Variants in TMEM132B observed in about 807,000 individuals in gnomAD.
TMEM132B encodes transmembrane protein 132B.
Under a neutral mutation model 90.8 loss-of-function variants are expected in TMEM132B, and 18 were observed. The observed-to-expected ratio is 0.20, with a 90% CI of 0.14 to 0.29. TMEM132B has a LOEUF of 0.29. Ranked by LOEUF, TMEM132B falls within the 10% of genes least tolerant of loss-of-function variation. The probability of loss-of-function intolerance (pLI) is 1.00; values close to 1 mark genes in which losing one functional copy is unlikely to be tolerated. For missense variants in TMEM132B, 1,096 were observed against 1,326.8 expected (o/e 0.83, Z 2.70); for synonymous variants, 504 against 523.3 (o/e 0.96, Z 0.50).
intron 4 of TMEM132B, among the ~76,000 whole-genome samples, chr12:125,561,922 A>G (rs1433229501): frequency 6.6e-6 from 1 of 152,160 alleles, no homozygotes; most frequent in Non-Finnish European, 1.5e-5. Flanking sequence ...TAAACAAGAG[A>G]GTCAGCCTAT....
intron 1 of TMEM132B, among the ~76,000 whole-genome samples, chr12:125,295,688 G>A (rs964617524): frequency 5.9e-5 from 9 of 152,084 alleles, no homozygotes; most frequent in Non-Finnish European, 7.4e-5. Flanking sequence ...TGCCCAAAGC[G>A]TAGGAGGCAG....
intron 1 of TMEM132B, among the ~76,000 whole-genome samples, chr12:125,198,482 C>T (rs749833956): frequency 1.2e-4 from 18 of 152,296 alleles, no homozygotes; most frequent in Non-Finnish European, 2.1e-4. Flanking sequence ...CTCCAACCAG[C>T]GGAAATAGAA....
At chr12:125,205,012 T>C (rs1300205821) in intron 1 of TMEM132B, among the ~76,000 whole-genome samples, 2 of 111,438 alleles carry the variant, frequency 1.8e-5, no homozygotes, top group Non-Finnish European at 3.7e-5. Context: ...GAGTATCTCA[T>C]GAATCCTTTC....
At chr12:125,503,734 A>G (rs1420906815) in intron 3 of TMEM132B, among the ~76,000 whole-genome samples, 1 of 152,226 alleles carries the variant, frequency 6.6e-6, no homozygotes, top group African/African-American at 2.4e-5. Flanking sequence ...TTGTGAGATG[A>G]AAGGAAAGAA....
Position 125,186,734 on chromosome 12 carries a change from G to A in TMEM132B, c.-66G>A, listed in dbSNP as rs1280688122. The A allele has an allele frequency of 1.4e-5, 2 of 146,768 alleles. No homozygotes were observed. The highest frequency in any genetic ancestry group is 1.4e-4 in the Admixed American group (2 of 14,804). The allele number at this position is 146,768 out of a possible 1,614,324, so 9.1% of individuals were successfully genotyped here. The stretch of plus-strand genomic sequence containing the variant: ...GTAGCCGCCGGGGGCTGCTCCGGGA[G>A]CCGCGGGCCGGGCCGGGCGCGCGAG... On this transcript the variant is annotated 5_prime_UTR_variant, in exon 1 of 9. Coordinates refer to ENST00000682704, the MANE Select transcript of TMEM132B (RefSeq NM_001366854.1). The surrounding 1 kb of genome is among the most constrained non-coding windows in gnomAD (Gnocchi z 6.3).
intron 1 of TMEM132B, among the ~76,000 whole-genome samples, chr12:125,223,449 T>G (rs1243605522): frequency 6.6e-6 from 1 of 152,208 alleles, no homozygotes; most frequent in East Asian, 1.9e-4. Flanking sequence ...TTTGTAAAAT[T>G]TTTACTTGAT....
At chr12:125,192,068 A>G (rs1034312466) in intron 1 of TMEM132B, among the ~76,000 whole-genome samples, 1 of 152,230 alleles carries the variant, frequency 6.6e-6, no homozygotes, top group African/African-American at 2.4e-5. Flanking sequence ...GAGAAGAATC[A>G]TGTACCTCAG....
At chr12:125,324,243 CAG>C (rs1422528740) in intron 1 of TMEM132B, among the ~76,000 whole-genome samples, 1 of 152,168 alleles carries the variant, frequency 6.6e-6, no homozygotes, top group Non-Finnish European at 1.5e-5. Flanking sequence ...TATTGACAAA[CAG>C]ATTAATTGCT....
intron 1 of TMEM132B, among the ~76,000 whole-genome samples, chr12:125,217,819 G>T (rs986932796): frequency 6.6e-6 from 1 of 152,182 alleles, no homozygotes; most frequent in Non-Finnish European, 1.5e-5. Flanking sequence ...TCCATGCCTT[G>T]AACCCAGCAA....
At chr12:125,328,920 T>C (rs1228303511) in intron 1 of TMEM132B, among the ~76,000 whole-genome samples, 2 of 152,194 alleles carry the variant, frequency 1.3e-5, no homozygotes, top group Non-Finnish European at 2.9e-5. Context: ...AGGGCTGCTT[T>C]GCTCTATCCT....
rs1235687340 is a variant in TMEM132B at position 125,186,649 on chromosome 12, C to G, written c.-151C>G. On this transcript the variant is annotated 5_prime_UTR_variant, in exon 1 of 9. Coordinates refer to ENST00000682704, the MANE Select transcript of TMEM132B (RefSeq NM_001366854.1). This position sits in a 1 kb window ranked among gnomAD's most constrained non-coding sequence, Gnocchi z 6.3. ...GCAGCCGAGGAAGCGCCGCCAGCGC[C>G]GGCGCATGCGTCTGGGGAGGAGCGG... Among the ~76,000 whole-genome samples, 1 of 146,688 alleles carries G rather than the reference C, an allele frequency of 6.8e-6. No homozygotes were observed. Among genetic ancestry groups the G allele is most frequent in the Non-Finnish European group, 1.5e-5 (1 of 65,930 alleles).
chr12:125,510,858 T>C (rs1317687055), intron 3 of TMEM132B, among the ~76,000 whole-genome samples: 1 of 152,238 alleles, frequency 6.6e-6, no homozygotes, highest in Non-Finnish European at 1.5e-5. Flanking sequence ...TTCATATACA[T>C]GTGCAACTTG....
At chr12:125,272,343 A>T (rs1235515073) in intron 1 of TMEM132B, among the ~76,000 whole-genome samples, 2 of 152,212 alleles carry the variant, frequency 1.3e-5, no homozygotes, top group Non-Finnish European at 2.9e-5. Flanking sequence ...TTAGGGGTAC[A>T]GGAGTAGTTT....
intron 1 of TMEM132B, among the ~76,000 whole-genome samples, chr12:125,261,471 AAG>A (rs1386542186): frequency 6.6e-6 from 1 of 152,144 alleles, no homozygotes; most frequent in Admixed American, 6.5e-5. Context: ...GCTTAGCTGA[AAG>A]AGAGAGGAAT....
chr12:125,592,748 G>A (rs73416384), intron 5 of TMEM132B, among the ~76,000 whole-genome samples: 8,689 of 152,228 alleles, frequency 0.057, 439 homozygotes, highest in African/African-American at 0.13. Context: ...AGGGTGAGAT[G>A]GAATGTGGAT....
chr12:125,604,893 G>A (rs1885656035), intron 5 of TMEM132B, among the ~76,000 whole-genome samples: 1 of 152,226 alleles, frequency 6.6e-6, no homozygotes, highest in Non-Finnish European at 1.5e-5. Flanking sequence ...GGTTCCATGA[G>A]GGAGATTCTA....
At chr12:125,610,893 C>T (rs1013878548) in intron 5 of TMEM132B, among the ~76,000 whole-genome samples, 29 of 152,058 alleles carry the variant, frequency 1.9e-4, no homozygotes, top group Admixed American at 1.9e-3. Flanking sequence ...TAAAATTGGC[C>T]TTATAGAATG....
rs190095817 is a variant in TMEM132B at position 125,541,134 on chromosome 12, C to T, written c.1293+21509C>T. On this transcript the variant is annotated intron_variant, in intron 4 of 8. Coordinates refer to ENST00000682704, the MANE Select transcript of TMEM132B (RefSeq NM_001366854.1). ...CCTTCCCTGATCACCCTGGAGAGAA[C>T]GACCAACTCCTTTTATGCTGCTTCA... Among the ~76,000 whole-genome samples, 138 of 152,332 alleles carry T rather than the reference C, an allele frequency of 9.1e-4. 1 individual carries two copies. The highest frequency in any genetic ancestry group is 1.6e-3 in the Non-Finnish European group (109 of 68,028).
chr12:125,650,478 T>C (rs1886877291), intron 6 of TMEM132B, among the ~76,000 whole-genome samples: 1 of 152,130 alleles, frequency 6.6e-6, no homozygotes, highest in South Asian at 2.1e-4. Flanking sequence ...CCATTCTTGT[T>C]GCAAGCAGAA....
Sources: gnomAD v4.1 joint callset for allele counts (sites outside exome capture counted in the v4.1 genomes callset) on GRCh38, gnomAD v4.1.1 for gene constraint, Gnocchi (gnomAD v3.1) non-coding constraint, MANE v1.5 for transcripts, NCBI Gene and HGNC (gene_info 2026-07-23, HGNC 2026-07-21) for gene names.